SLC35G1: variants seen among roughly 807,000 people sequenced by gnomAD.
SLC35G1 encodes partner of STIM1.
SLC35G1 carries 10 observed loss-of-function variants against 17.1 expected under a neutral mutation model. That is an observed-to-expected ratio of 0.59 (90% CI 0.36 to 0.99). The LOEUF (loss-of-function observed/expected upper bound fraction) is 0.99. SLC35G1 is among the 50% of genes least tolerant of loss of function. The pLI, the probability that SLC35G1 is intolerant of heterozygous loss-of-function variation, is 0.01. For synonymous variants in SLC35G1, 185 were observed against 181.1 expected (o/e 1.02, Z -0.18); for missense variants, 433 against 468.4 (o/e 0.92, Z 0.70).
rs199621339 is a variant in SLC35G1 at position 93,901,456 on chromosome 10, C to T, written c.1064C>T (p.Ala355Val). 7 of 1,598,442 alleles carry T rather than the reference C, an allele frequency of 4.4e-6. No individual in the cohort carries two copies. The highest frequency in any genetic ancestry group is 1.3e-5 in the African/African-American group (1 of 74,128). ...TGCGTAGTAGCCAGTAATGTTGGAG[C>T]GGCCATTCGTAAATGGTACCAAAGT... ...ALCVVASNVG[A>V]AIRKWYQSSK The change falls in exon 3 of 3, where the codon GCG becomes GTG. Residue 355 changes from alanine (A) to valine (V), a missense_variant. Coordinates refer to ENST00000427197, the MANE Select transcript of SLC35G1 (RefSeq NM_001134658.3).
chr10:93,898,205 G>A (rs1024586971), intron 1 of SLC35G1, among the ~76,000 whole-genome samples: 2 of 152,272 alleles, frequency 1.3e-5, no homozygotes, highest in Admixed American at 6.5e-5. Context: ...GAGGTGTGGC[G>A]TAAGATATCA....
chr10:93,899,843 G>A (rs1051938889), intron 2 of SLC35G1, among the ~76,000 whole-genome samples: 1 of 152,204 alleles, frequency 6.6e-6, no homozygotes, highest in Non-Finnish European at 1.5e-5. Context: ...ATTGTCAGGG[G>A]AAGGACACTG....
At chr10:93,896,633 G>A (rs956408176) in intron 1 of SLC35G1, among the ~76,000 whole-genome samples, 2 of 152,180 alleles carry the variant, frequency 1.3e-5, no homozygotes, top group African/African-American at 2.4e-5. Context: ...CAAATGCAGC[G>A]AGGCCTTCTA....
downstream of SLC35G1, among the ~76,000 whole-genome samples, chr10:93,905,425 C>T (rs1218866154): frequency 6.6e-6 from 1 of 152,140 alleles, no homozygotes; most frequent in African/African-American, 2.4e-5. Context: ...ATACAGCTAC[C>T]ATATTCACCT....
chr10:93,898,981 C>G (rs1006420560), intron 2 of SLC35G1, among the ~76,000 whole-genome samples: 1 of 152,160 alleles, frequency 6.6e-6, no homozygotes, highest in African/African-American at 2.4e-5. Context: ...TTTTCACCAC[C>G]TCCCCTTTTG....
chr10:93,900,624 TATA>T, intron 2 of SLC35G1, 125 bp from the exon 3 acceptor site: 1 of 747,252 alleles, frequency 1.3e-6, no homozygotes, highest in East Asian at 2.8e-5. Context: ...TTGTGGATAT[TATA>T]ATTAATTTAC....
At chr10:93,899,519 T>C (rs1055506855) in intron 2 of SLC35G1, among the ~76,000 whole-genome samples, 2 of 152,198 alleles carry the variant, frequency 1.3e-5, no homozygotes, top group African/African-American at 4.8e-5. Context: ...GCGAGACCAG[T>C]TGGGTCCTTG....
chr10:93,902,563 A>G lies in SLC35G1; in HGVS notation c.*1073A>G, dbSNP rs2134071119. ...AATGAAATAGAAGACTTTGGAGTAT[A>G]TGTTTTTAAAGTAATTTTTTAAAAT... On this transcript the variant is annotated 3_prime_UTR_variant, in exon 3 of 3. Coordinates refer to ENST00000427197, the MANE Select transcript of SLC35G1 (RefSeq NM_001134658.3). The G allele has an allele frequency of 6.5e-6, 1 of 152,720 alleles. No homozygotes were observed. The highest frequency in any genetic ancestry group is 1.9e-4 in the East Asian group (1 of 5,196). The allele number at this position is 152,720 out of a possible 1,614,324, so 9.5% of individuals were successfully genotyped here. A position where few individuals can be genotyped will look rare whatever the true frequency, so the allele number is the denominator to read the frequency against.
chr10:93,909,320 C>T (rs1203752819), exon 3 of SLC35G1: 1 of 152,076 alleles, frequency 6.6e-6, no homozygotes. Context: ...CAAGCCTGTG[C>T]TCCTGACTCC....
rs35060262 is a variant in SLC35G1 at position 93,901,708 on chromosome 10, TTTGTTG to T, written c.*228_*233del. 77 of 413,034 alleles carry T rather than the reference TTTGTTG, an allele frequency of 1.9e-4. No homozygotes were observed. Among genetic ancestry groups the T allele is most frequent in the Non-Finnish European group, 2.7e-4 (67 of 244,144 alleles). The allele number at this position is 413,034 out of a possible 1,614,324, so 25.6% of individuals were successfully genotyped here. A position where few individuals can be genotyped will look rare whatever the true frequency, so the allele number is the denominator to read the frequency against. On this transcript the variant is annotated 3_prime_UTR_variant, in exon 3 of 3. Coordinates refer to ENST00000427197, the MANE Select transcript of SLC35G1 (RefSeq NM_001134658.3). The stretch of plus-strand genomic sequence containing the variant: ...AGCTTTGGTTTTGGTTTTGGTTTTT[TTTGTTG>T]TTGTTGTTGGGGTCAAGTTGGTGAG...
At position 93,898,683 on chromosome 10, in the gene SLC35G1, T is replaced by G; in HGVS notation, c.291T>G (p.Ala97=). 1.2e-6 allele frequency: 2 copies of G among 1,613,926 alleles called. No individual in the cohort carries two copies. Among genetic ancestry groups the G allele is most frequent in the Non-Finnish European group, 1.7e-6 (2 of 1,179,890 alleles). ...LFVKKVQDVH[A]VEISAFRCVF... is the part of the protein sequence containing the mutation. ...TTAAAAAAGTGCAAGACGTCCATGCTGTAGAGATTAGTGCGTTTCGATGTG... is the reference window on the plus strand; with the variant it reads ...TTAAAAAAGTGCAAGACGTCCATGCGGTAGAGATTAGTGCGTTTCGATGTG... Residue 97 remains alanine, a synonymous_variant, in exon 2 of 3, where the codon GCT becomes GCG. Coordinates refer to ENST00000427197, the MANE Select transcript of SLC35G1 (RefSeq NM_001134658.3).
chr10:93,898,669 C>G lies in SLC35G1; in HGVS notation c.277C>G (p.Gln93Glu), dbSNP rs142454569. 6.2e-7 allele frequency: 1 copy of G among 1,613,778 alleles called. No homozygotes were observed. Among genetic ancestry groups the G allele is most frequent in the Non-Finnish European group, 8.5e-7 (1 of 1,179,904 alleles). Residue 93 changes from glutamine (Q) to glutamate (E), a missense_variant, in exon 2 of 3, where the codon CAA (glutamine) becomes GAA (glutamate). Coordinates refer to ENST00000427197, the MANE Select transcript of SLC35G1 (RefSeq NM_001134658.3). The stretch of plus-strand genomic sequence containing the variant: ...GGGCTCTTTATTTGTTAAAAAAGTG[C>G]AAGACGTCCATGCTGTAGAGATTAG... ...SVGSLFVKKV[Q>E]DVHAVEISAF... is the part of the protein sequence containing the mutation.
rs2060335753 is a variant in SLC35G1 at position 93,896,934 on chromosome 10, A to C, written c.179-1637A>C. ...ATGTAGGGGTTGAGTTTCTTTTAAG[A>C]AAAACTGTTTTATTTGGAACTGAAT... On this transcript the variant is annotated intron_variant, in intron 1 of 2. Coordinates refer to ENST00000427197, the MANE Select transcript of SLC35G1 (RefSeq NM_001134658.3). Among the ~76,000 whole-genome samples, 3 of 152,168 alleles carry C rather than the reference A, an allele frequency of 2.0e-5. No individual in the cohort carries two copies. The South Asian group carries it at 6.2e-4, about 32-fold the overall frequency.
downstream of SLC35G1, chr10:93,908,388 G>A (rs985223666): frequency 1.3e-5 from 2 of 152,212 alleles, no homozygotes; most frequent in African/African-American, 4.8e-5. Context: ...CATGAGGTCT[G>A]CCTGACTCCA....
chr10:93,906,475 A>G (rs746059559), downstream of SLC35G1: 2 of 152,094 alleles, frequency 1.3e-5, no homozygotes, highest in Admixed American at 1.3e-4. Flanking sequence ...CCCTCCTCCT[A>G]CCTCCTGAGC....
In SLC35G1 at chr10:93,901,269, C is replaced by T. The variant is rs201568504; in HGVS notation, c.877C>T (p.Leu293Phe). 2.7e-4 allele frequency: 435 copies of T among 1,613,678 alleles called. No homozygotes were observed. The highest frequency in any genetic ancestry group is 3.4e-4 in the Non-Finnish European group (404 of 1,179,854). The change falls in exon 3 of 3, where the codon CTC (leucine) becomes TTC (phenylalanine). Residue 293 changes from leucine to phenylalanine, a missense_variant. Leu to Phe is a conservative substitution (Grantham distance 22, BLOSUM62 0). Coordinates refer to ENST00000427197, the MANE Select transcript of SLC35G1 (RefSeq NM_001134658.3). ...CAGGCTATTTCTCATATTCATTGGG[C>T]TCTTTGGTTTGGGGGGTCAGATATT... The part of the protein sequence containing the change: ...LDRLFLIFIG[L>F]FGLGGQIFIT...
chr10:93,901,359 G>A lies in SLC35G1; in HGVS notation c.967G>A (p.Val323Ile). The change falls in exon 3 of 3, where the codon GTC becomes ATC. Residue 323 changes from valine (V) to isoleucine (I), a missense_variant. Physicochemically the swap from Val to Ile is conservative, Grantham distance 29 (BLOSUM62 3). Transcript: ENST00000427197. The part of the protein sequence containing the change: ...PVAIMKTMDV[V>I]FAFIFQIIFF... The stretch of plus-strand genomic sequence containing the variant: ...AGCAATAATGAAGACAATGGATGTG[G>A]TCTTTGCTTTTATCTTTCAGATTAT... 1 of 1,614,050 alleles carries A rather than the reference G, an allele frequency of 6.2e-7. No individual in the cohort carries two copies. The highest frequency in any genetic ancestry group is 1.1e-5 in the South Asian group (1 of 91,080).
rs1185244158 is a variant in SLC35G1 at position 93,901,796 on chromosome 10, G to A, written c.*306G>A. ...ACATTTTATGGCTAGTAATATTTAT[G>A]TAATTTTTAAAATGTATTTTTGGTA... is the stretch of plus-strand genomic sequence containing the variant. On this transcript the variant is annotated 3_prime_UTR_variant, in exon 3 of 3. Transcript: ENST00000427197. 2 of 228,140 alleles carry A rather than the reference G, an allele frequency of 8.8e-6. No individual in the cohort carries two copies. Among genetic ancestry groups the A allele is most frequent in the Non-Finnish European group, 1.7e-5 (2 of 118,924 alleles). The allele number at this position is 228,140 out of a possible 1,614,324, so 14.1% of individuals were successfully genotyped here. A position where few individuals can be genotyped will look rare whatever the true frequency, so the allele number is the denominator to read the frequency against.
At position 93,894,177 on chromosome 10, in the gene SLC35G1, C is replaced by T; in HGVS notation, c.144C>T (p.Cys48=). 1 of 1,456,034 alleles carries T rather than the reference C, an allele frequency of 6.9e-7. No individual in the cohort carries two copies. Among genetic ancestry groups the T allele is most frequent in the Non-Finnish European group, 9.0e-7 (1 of 1,110,974 alleles). 90.2% of individuals were successfully genotyped at this position (1,456,034 alleles called of 1,614,324 possible). The change falls in exon 1 of 3, where the codon TGC becomes TGT. Residue 48 remains cysteine, a synonymous_variant. Coordinates refer to ENST00000427197, the MANE Select transcript of SLC35G1 (RefSeq NM_001134658.3). The part of the protein sequence containing the change: ...GAPDRGRCWL[C]LSSPCCSRTE... ...CAGACCGCGGTAGGTGCTGGCTCTG[C>T]CTTTCCTCGCCGTGTTGCTCCCGCA...
Sources: gnomAD v4.1 joint callset for allele counts (sites outside exome capture counted in the v4.1 genomes callset) on GRCh38, gnomAD v4.1.1 for gene constraint, MANE v1.5 for transcripts, NCBI Gene and HGNC (gene_info 2026-07-23, HGNC 2026-07-21) for gene names.